Variants in FBXL17 observed in about 807,000 individuals in gnomAD.
FBXL17 encodes the protein F-box and leucine rich repeat protein 17.
FBXL17 carries 22 observed loss-of-function variants against 66.2 expected under a neutral mutation model. That is an observed-to-expected ratio of 0.33 (90% CI 0.24 to 0.47). The LOEUF (loss-of-function observed/expected upper bound fraction) is 0.47, where lower values mean the gene tolerates loss of function less well. Ranked by LOEUF, FBXL17 falls within the 20% of genes least tolerant of loss-of-function variation. The pLI is 1.00. For missense variants in FBXL17, 878 were observed against 948.2 expected (o/e 0.93, Z 0.97); for synonymous variants, 474 against 400.5 (o/e 1.18, Z -2.19).
At chr5:108,137,788 C>A (rs1403339145) in intron 6 of FBXL17, among the ~76,000 whole-genome samples, 1 of 152,052 alleles carries the variant, frequency 6.6e-6, no homozygotes, top group African/African-American at 2.4e-5. Flanking sequence ...GTTTCTTGAA[C>A]AAAATGAAAC....
intron 7 of FBXL17, among the ~76,000 whole-genome samples, chr5:107,888,496 G>A (rs1269141873): frequency 1.3e-5 from 2 of 152,162 alleles, no homozygotes; most frequent in Admixed American, 6.5e-5. Context: ...CAGCACGCCT[G>A]CGGTCTTTCA....
intron 1 of FBXL17, 30 bp downstream of exon 1, chr5:108,380,669 A>AGCATCCCTGCGG: frequency 8.1e-7 from 1 of 1,239,502 alleles, no homozygotes; most frequent in Non-Finnish European, 1.0e-6. Flanking sequence ...GGGGAAAGCG[A>AGCATCCCTGCGG]GCATCCCTGC....
chr5:108,238,659 C>A (rs1755714381), intron 4 of FBXL17, among the ~76,000 whole-genome samples: 1 of 152,122 alleles, frequency 6.6e-6, no homozygotes, highest in Non-Finnish European at 1.5e-5. Context: ...CACAGGCATG[C>A]ACCACCTTGC....
intron 6 of FBXL17, among the ~76,000 whole-genome samples, chr5:108,074,989 T>C (rs773535768): frequency 3.3e-5 from 5 of 152,222 alleles, no homozygotes; most frequent in Non-Finnish European, 7.3e-5. Context: ...TGTGAAAGGA[T>C]TGCTCTGTCC....
intron 8 of FBXL17, among the ~76,000 whole-genome samples, chr5:107,863,599 G>GCACACCTC (rs1748193747): frequency 7.1e-6 from 1 of 141,734 alleles, no homozygotes; most frequent in Admixed American, 7.3e-5. Flanking sequence ...ATTGTACTAA[G>GCACACCTC]TTTATGATTG....
At chr5:108,021,519 A>G (rs1302320043) in intron 6 of FBXL17, among the ~76,000 whole-genome samples, 1 of 151,614 alleles carries the variant, frequency 6.6e-6, no homozygotes, top group East Asian at 1.9e-4. Flanking sequence ...ATATACACAC[A>G]TAACTTTAAA....
intron 6 of FBXL17, among the ~76,000 whole-genome samples, chr5:108,092,858 GTTTT>G (rs952278862): frequency 3.9e-5 from 6 of 152,216 alleles, no homozygotes; most frequent in African/African-American, 1.4e-4. Flanking sequence ...GGTTATTTTT[GTTTT>G]GTTTTGAGGA....
intron 6 of FBXL17, among the ~76,000 whole-genome samples, chr5:108,129,218 A>G (rs1750831425): frequency 1.3e-5 from 2 of 152,170 alleles, no homozygotes; most frequent in Admixed American, 1.3e-4. Context: ...AGGTTCTTTC[A>G]GCACTGTCTT....
rs1025410525 is a variant in FBXL17, at chr5:108,321,142, TTAC to T, written c.1506+27254_1506+27256del. The stretch of plus-strand genomic sequence containing the variant: ...AACTGCTGATGCTCGTAAGAAATTA[TTAC>T]TACTATTACCTATTATATGTCACAC... On this transcript the variant is annotated intron_variant, in intron 4 of 8. Coordinates refer to ENST00000542267, the MANE Select transcript of FBXL17 (RefSeq NM_001163315.3). 3.9e-4 allele frequency among the ~76,000 whole-genome samples: 59 copies of T among 151,974 alleles called. No individual in the cohort carries two copies. In the South Asian group the frequency reaches 7.9e-3, roughly 20 times the overall value.
At chr5:108,364,684 G>A in intron 3 of FBXL17, 54 bp downstream of exon 3, 6 of 1,408,102 alleles carry the variant, frequency 4.3e-6, no homozygotes, top group Non-Finnish European at 5.9e-6. Context: ...GTTGTTGCTA[G>A]AAAACATTTT....
At chr5:108,237,408 T>C (rs1755654876) in intron 4 of FBXL17, among the ~76,000 whole-genome samples, 1 of 152,146 alleles carries the variant, frequency 6.6e-6, no homozygotes, top group Non-Finnish European at 1.5e-5. Context: ...CCCAGTTCGG[T>C]TCAGTTCAGT....
chr5:108,241,758 G>C (rs577285754), intron 4 of FBXL17, among the ~76,000 whole-genome samples: 2 of 152,014 alleles, frequency 1.3e-5, no homozygotes, highest in South Asian at 4.2e-4. Flanking sequence ...AGCCACAAGA[G>C]AAGAAAAAAC....
intron 4 of FBXL17, among the ~76,000 whole-genome samples, chr5:108,293,775 T>C (rs1758219588): frequency 6.6e-6 from 1 of 152,044 alleles, no homozygotes; most frequent in South Asian, 2.1e-4. Context: ...GCGTGGTGGT[T>C]CATGCCTGTA....
intron 5 of FBXL17, among the ~76,000 whole-genome samples, chr5:108,196,526 G>A (rs1753687553): frequency 6.6e-6 from 1 of 152,154 alleles, no homozygotes; most frequent in Admixed American, 6.6e-5. Context: ...CTGCAGGTCA[G>A]GACCATGTCT....
chr5:108,247,328 G>GA lies in FBXL17; in HGVS notation c.1507-23101dup, dbSNP rs949393361. ...GAAATGAGGTAGGGACCATTGTAAA[G>GA]AAAAAAAAAATAGGGACAAGGGCCC... is the stretch of plus-strand genomic sequence containing the variant. On this transcript the variant is annotated intron_variant, in intron 4 of 8. Transcript: ENST00000542267. Among the ~76,000 whole-genome samples, 41 of 147,256 alleles carry GA rather than the reference G, an allele frequency of 2.8e-4. 1 individual carries two copies. Among genetic ancestry groups the GA allele is most frequent in the East Asian group, 5.9e-4 (3 of 5,062 alleles).
chr5:108,037,698 C>T (rs938918184), intron 6 of FBXL17, among the ~76,000 whole-genome samples: 1 of 152,094 alleles, frequency 6.6e-6, no homozygotes, highest in African/African-American at 2.4e-5. Flanking sequence ...CTTATTTTTA[C>T]AGTGGGGGCA....
intron 4 of FBXL17, among the ~76,000 whole-genome samples, chr5:108,254,094 T>C (rs188754685): frequency 6.6e-6 from 1 of 152,334 alleles, no homozygotes; most frequent in Non-Finnish European, 1.5e-5. Flanking sequence ...TTTTGAATCA[T>C]AGAAACAATT....
At chr5:108,306,007 T>G (rs543136687) in intron 4 of FBXL17, among the ~76,000 whole-genome samples, 39 of 152,244 alleles carry the variant, frequency 2.6e-4, no homozygotes, top group African/African-American at 9.1e-4. Flanking sequence ...TAGGATACTG[T>G]TGTAGTAATC....
chr5:107,949,694 T>G (rs1013293227), intron 7 of FBXL17, among the ~76,000 whole-genome samples: 1 of 152,174 alleles, frequency 6.6e-6, no homozygotes, highest in African/African-American at 2.4e-5. Context: ...ACAGACTAGA[T>G]AAGAGCAGCT....
Sources: allele counts gnomAD v4.1 joint callset (sites outside exome capture counted in the v4.1 genomes callset), GRCh38; gene constraint gnomAD v4.1.1; transcripts MANE v1.5; gene names NCBI Gene and HGNC (gene_info 2026-07-23, HGNC 2026-07-21).